VAT1L: variants seen among roughly 807,000 people sequenced by gnomAD.
VAT1L encodes vesicle amine transport 1 like, also known as putative NADPH-dependent quinone oxidoreductase VAT1L.
A neutral mutation model predicts 44.1 loss-of-function variants in VAT1L; 34 were observed. That is an observed-to-expected ratio of 0.77 (90% confidence interval 0.59 to 1.03). VAT1L has a LOEUF of 1.03. VAT1L is among the 50% of genes least tolerant of loss of function. The pLI is 0.00. For synonymous variants in VAT1L, 253 were observed against 202.2 expected (o/e 1.25, Z -2.13); for missense variants, 615 against 538.8 (o/e 1.14, Z -1.40).
At chr16:77,916,048 G>A (rs2017548741) in intron 7 of VAT1L, among the ~76,000 whole-genome samples, 1 of 152,162 alleles carries the variant, frequency 6.6e-6, no homozygotes, top group South Asian at 2.1e-4. Flanking sequence ...CTGGGAATGC[G>A]GAACATTAAT....
In VAT1L at chr16:77,979,790, G is replaced by A. The variant is rs1191227069; in HGVS notation, c.*2095G>A. On this transcript the variant is annotated 3_prime_UTR_variant, in exon 9 of 9. Transcript: ENST00000302536. The stretch of plus-strand genomic sequence containing the variant: ...AGAAAACCCTTTCAGAATACAGAAC[G>A]AGAAAACTAGAGTTTGACCAATAAG... 1 of 152,634 alleles carries A rather than the reference G, an allele frequency of 6.6e-6. No individual in the cohort carries two copies. The highest frequency in any genetic ancestry group is 2.4e-5 in the African/African-American group (1 of 41,452). 9.5% of individuals were successfully genotyped at this position (152,634 alleles called of 1,614,324 possible).
chr16:77,819,822 G>C (rs2016421034), intron 2 of VAT1L, among the ~76,000 whole-genome samples: 1 of 152,188 alleles, frequency 6.6e-6, no homozygotes, highest in African/African-American at 2.4e-5. Context: ...AATATAATGA[G>C]TCAGTATTTA....
chr16:77,837,460 T>C lies in VAT1L; in HGVS notation c.579+11999T>C, dbSNP rs558254774. ...GTGTCCATGAAATTAAACCTCAGGCTGCTGTGTTCGTGAAGGCAGGGATGG... is the reference window on the plus strand; with the variant it reads ...GTGTCCATGAAATTAAACCTCAGGCCGCTGTGTTCGTGAAGGCAGGGATGG... On this transcript the variant is annotated intron_variant, in intron 3 of 8. Transcript: ENST00000302536. 4.6e-5 allele frequency among the ~76,000 whole-genome samples: 7 copies of C among 152,362 alleles called. No individual in the cohort carries two copies. The East Asian group carries it at 1.3e-3, about 29-fold the overall frequency.
intron 1 of VAT1L, among the ~76,000 whole-genome samples, chr16:77,791,828 G>A (rs866470010): frequency 6.6e-6 from 1 of 152,170 alleles, no homozygotes; most frequent in Non-Finnish European, 1.5e-5. Flanking sequence ...ACTGTTGCTG[G>A]GGTCAGGGTT....
At chr16:77,895,464 AG>A (rs1339927034) in intron 7 of VAT1L, among the ~76,000 whole-genome samples, 1 of 152,166 alleles carries the variant, frequency 6.6e-6, no homozygotes, top group Non-Finnish European at 1.5e-5. Context: ...TACAATCACA[AG>A]GGCCTATGTA....
chr16:77,964,225 C>T (rs667132), intron 7 of VAT1L, among the ~76,000 whole-genome samples: 48,576 of 152,046 alleles, frequency 0.32, 8,019 homozygotes, highest in South Asian at 0.38. Flanking sequence ...AACCCACCTA[C>T]ATTAGTGTCC....
intron 7 of VAT1L, among the ~76,000 whole-genome samples, chr16:77,901,161 T>TTC (rs1417705959): frequency 3.0e-5 from 1 of 33,742 alleles, no homozygotes; most frequent in Non-Finnish European, 8.2e-5. Context: ...ACCTTTTTTT[T>TTC]TTTTTTTTTT....
At chr16:77,865,112 TAC>T (rs2016959096) in intron 4 of VAT1L, among the ~76,000 whole-genome samples, 1 of 151,890 alleles carries the variant, frequency 6.6e-6, no homozygotes, top group Admixed American at 6.6e-5. Flanking sequence ...TAGCTGGGAC[TAC>T]AGGCACCCAC....
In VAT1L at chr16:77,879,917, C is replaced by G. The variant is rs2017131599; in HGVS notation, c.882+693C>G. 6.6e-6 allele frequency among the ~76,000 whole-genome samples: 1 copy of G among 152,208 alleles called. No individual in the cohort carries two copies. The highest frequency in any genetic ancestry group is 6.5e-5 in the Admixed American group (1 of 15,280). On this transcript the variant is annotated intron_variant, in intron 6 of 8. Coordinates refer to ENST00000302536, the MANE Select transcript of VAT1L (RefSeq NM_020927.3). This position sits in a 1 kb window ranked among gnomAD's most constrained non-coding sequence, Gnocchi z 4.1. ...GTCTCTGGGGGTACTTGAGATTTCT[C>G]TGTCTCCCCATCCTCTTGAATCGGA...
chr16:77,959,161 C>G (rs562184633), intron 7 of VAT1L, among the ~76,000 whole-genome samples: 9 of 152,158 alleles, frequency 5.9e-5, no homozygotes, highest in Non-Finnish European at 1.2e-4. Flanking sequence ...CACATTATTG[C>G]AAAGACCCAA....
At chr16:77,961,309 A>G (rs2018157614) in intron 7 of VAT1L, among the ~76,000 whole-genome samples, 1 of 152,042 alleles carries the variant, frequency 6.6e-6, no homozygotes, top group East Asian at 1.9e-4. Context: ...CGCTTTGCTA[A>G]GTCAACCCTC....
At position 77,788,886 on chromosome 16, in the gene VAT1L, C is replaced by T. The variant is rs750853593; in HGVS notation, c.204C>T (p.Asp68=). 13 of 1,547,628 alleles carry T rather than the reference C, an allele frequency of 8.4e-6. No homozygotes were observed. The South Asian group carries it at 1.5e-4, about 17-fold the overall frequency. ...LFRKAMPEPQ[D]GELKIRVKAC... ...GGAAGGCCATGCCCGAGCCTCAGGACGGCGAGCTCAAGATCCGCGTCAAAG... is the reference window on the plus strand; with the variant it reads ...GGAAGGCCATGCCCGAGCCTCAGGATGGCGAGCTCAAGATCCGCGTCAAAG... Residue 68 remains aspartate (D), a synonymous_variant, in exon 1 of 9, where the codon GAC becomes GAT. Transcript: ENST00000302536.
chr16:77,931,486 G>T (rs901198336), intron 7 of VAT1L, among the ~76,000 whole-genome samples: 1 of 152,188 alleles, frequency 6.6e-6, no homozygotes, highest in Non-Finnish European at 1.5e-5. Context: ...CTCAGGGAAG[G>T]GGGAAAGAAG....
chr16:77,796,193 TCGACATA>T (rs2015931013), intron 1 of VAT1L, among the ~76,000 whole-genome samples: 1 of 152,184 alleles, frequency 6.6e-6, no homozygotes, highest in Admixed American at 6.5e-5. Context: ...TATAGAACAT[TCGACATA>T]TACTAGGTTT....
intron 7 of VAT1L, among the ~76,000 whole-genome samples, chr16:77,895,717 G>A (rs9927333): frequency 0.042 from 6,325 of 152,306 alleles, 424 homozygotes; most frequent in African/African-American, 0.14. Context: ...TTAATTTATT[G>A]TAGCAACAAC....
At chr16:77,937,760 A>G (rs2017820785) in intron 7 of VAT1L, among the ~76,000 whole-genome samples, 1 of 152,098 alleles carries the variant, frequency 6.6e-6, no homozygotes, top group Non-Finnish European at 1.5e-5. Flanking sequence ...CGGGAGAAGG[A>G]CCTCCTTGAA....
chr16:77,918,841 G>A (rs1486067649), intron 7 of VAT1L, among the ~76,000 whole-genome samples: 1 of 152,070 alleles, frequency 6.6e-6, no homozygotes, highest in Non-Finnish European at 1.5e-5. Context: ...ACGCATAGCA[G>A]AACACCCAGC....
chr16:77,858,032 G>A (rs966607201), intron 3 of VAT1L, among the ~76,000 whole-genome samples: 29 of 152,070 alleles, frequency 1.9e-4, no homozygotes, highest in Non-Finnish European at 2.4e-4. Flanking sequence ...TCATGCATCC[G>A]TCCACCAAGT....
intron 1 of VAT1L, among the ~76,000 whole-genome samples, chr16:77,802,821 C>A (rs2145216770): frequency 6.6e-6 from 1 of 152,286 alleles, no homozygotes; most frequent in African/African-American, 2.4e-5. Context: ...CATTTCTTGG[C>A]AATCTTTATT....
Sources: gnomAD v4.1 joint callset for allele counts (sites outside exome capture counted in the v4.1 genomes callset) on GRCh38, gnomAD v4.1.1 for gene constraint, Gnocchi (gnomAD v3.1) non-coding constraint, MANE v1.5 for transcripts, NCBI Gene and HGNC (gene_info 2026-07-23, HGNC 2026-07-21) for gene names.